GPC6: variants seen among roughly 807,000 people sequenced by gnomAD.
The protein encoded by GPC6 is glypican-6.
Under a neutral mutation model 55.2 loss-of-function variants are expected in GPC6, and 14 were observed. The ratio of observed to expected loss-of-function variants is 0.25; its 90% CI spans 0.17 to 0.40. The LOEUF (loss-of-function observed/expected upper bound fraction) is 0.40, where lower values mean the gene tolerates loss of function less well. GPC6 is among the 10% of genes least tolerant of loss of function. GPC6 has a pLI of 1.00. For missense variants in GPC6, 641 were observed against 708.5 expected (o/e 0.90, Z 1.08); for synonymous variants, 278 against 259.6 (o/e 1.07, Z -0.68).
At position 94,078,404 on chromosome 13, in the gene GPC6, G is replaced by A. The variant is rs533224698; in HGVS notation, c.877+50510G>A. Reference sequence around the variant, plus strand: ...TTAGCAGAAGGAAGGACACAATAAAGATTAGCGTAGAAATAAACAAAATAG... The same window carrying A: ...TTAGCAGAAGGAAGGACACAATAAAAATTAGCGTAGAAATAAACAAAATAG... On this transcript the variant is annotated intron_variant, in intron 4 of 8. Transcript: ENST00000377047. Among the ~76,000 whole-genome samples the A allele has an allele frequency of 1.7e-4, 26 of 151,872 alleles. No homozygotes were observed. In the South Asian group the frequency reaches 2.1e-3, roughly 12 times the overall value.
At chr13:94,272,522 G>A (rs1411677119) in intron 4 of GPC6, among the ~76,000 whole-genome samples, 1 of 136,262 alleles carries the variant, frequency 7.3e-6, no homozygotes, top group Non-Finnish European at 1.5e-5. Flanking sequence ...AGGCTGGAGT[G>A]CAGTGGTGCC....
chr13:94,029,593 T>G (rs1406582094), intron 4 of GPC6, among the ~76,000 whole-genome samples: 2 of 152,126 alleles, frequency 1.3e-5, no homozygotes, highest in Non-Finnish European at 2.9e-5. Context: ...TCATTTGGAG[T>G]CATATAGTCA....
chr13:93,573,619 A>C (rs1876515460), intron 2 of GPC6, among the ~76,000 whole-genome samples: 1 of 152,122 alleles, frequency 6.6e-6, no homozygotes, highest in South Asian at 2.1e-4. Flanking sequence ...ATAAAATGAG[A>C]AAAAAGGGTT....
intron 1 of GPC6, among the ~76,000 whole-genome samples, chr13:93,465,199 T>G (rs1272394099): frequency 6.6e-6 from 1 of 152,222 alleles, no homozygotes; most frequent in Non-Finnish European, 1.5e-5. Context: ...AAATGGCGAA[T>G]GAGCATTGGC....
chr13:94,141,551 C>A (rs1026598906), intron 4 of GPC6, among the ~76,000 whole-genome samples: 4 of 152,136 alleles, frequency 2.6e-5, no homozygotes, highest in African/African-American at 9.7e-5. Flanking sequence ...TCCCACCTCC[C>A]TTTCCATCAC....
chr13:93,803,832 A>G (rs371333543), intron 2 of GPC6, among the ~76,000 whole-genome samples: 2 of 152,282 alleles, frequency 1.3e-5, no homozygotes, highest in East Asian at 3.9e-4. Flanking sequence ...GCTATGCATC[A>G]ATGACCACAC....
chr13:94,162,948 G>C (rs1368348260), intron 4 of GPC6, among the ~76,000 whole-genome samples: 1 of 152,132 alleles, frequency 6.6e-6, no homozygotes, highest in Non-Finnish European at 1.5e-5. Flanking sequence ...AGTCGTCCAA[G>C]AAATAGCCTC....
intron 3 of GPC6, chr13:93,830,837 G>T (rs1469627346): frequency 2.9e-6 from 1 of 343,362 alleles, no homozygotes; most frequent in Non-Finnish European, 5.3e-6. Context: ...AAGCAGGCAC[G>T]TTGCAACTAT....
At chr13:93,676,714 T>C in intron 2 of GPC6, among the ~76,000 whole-genome samples, 1 of 152,184 alleles carries the variant, frequency 6.6e-6, no homozygotes, top group East Asian at 1.9e-4. Flanking sequence ...GTGTGTTCTG[T>C]ATGTTTTGCC....
chr13:93,952,439 T>C (rs1379246823), intron 3 of GPC6, among the ~76,000 whole-genome samples: 1 of 152,080 alleles, frequency 6.6e-6, no homozygotes. Context: ...ACTTCTTGAG[T>C]TTTAATTTCC....
At chr13:93,691,876 T>G (rs1043630471) in intron 2 of GPC6, among the ~76,000 whole-genome samples, 3 of 152,068 alleles carry the variant, frequency 2.0e-5, no homozygotes, top group Admixed American at 6.6e-5. Flanking sequence ...AATCATCATT[T>G]AGCAAGTTTC....
intron 4 of GPC6, among the ~76,000 whole-genome samples, chr13:94,262,926 G>C (rs1269259853): frequency 6.6e-6 from 1 of 152,166 alleles, no homozygotes; most frequent in African/African-American, 2.4e-5. Context: ...ACAAAACATT[G>C]TGTAATATAC....
intron 4 of GPC6, among the ~76,000 whole-genome samples, chr13:94,180,975 T>C (rs560499190): frequency 3.9e-5 from 6 of 152,146 alleles, no homozygotes; most frequent in South Asian, 4.2e-4. Flanking sequence ...GAAGCAGCAA[T>C]TGGGCTTGCT....
At chr13:93,520,616 A>G (rs1881376948) in intron 1 of GPC6, among the ~76,000 whole-genome samples, 1 of 151,890 alleles carries the variant, frequency 6.6e-6, no homozygotes. Flanking sequence ...AATATAATTA[A>G]CATGTAAAGA....
chr13:93,493,514 C>A (rs530424079), intron 1 of GPC6, among the ~76,000 whole-genome samples: 18 of 118,092 alleles, frequency 1.5e-4, no homozygotes, highest in Admixed American at 9.5e-4. Flanking sequence ...TTTTGTGTCT[C>A]TATTTCCTTC....
chr13:93,576,982 T>C (rs1183047557), intron 2 of GPC6, among the ~76,000 whole-genome samples: 1 of 152,140 alleles, frequency 6.6e-6, no homozygotes, highest in Non-Finnish European at 1.5e-5. Context: ...ATACATTTTT[T>C]CACTCAATGC....
chr13:93,936,270 C>T (rs1322260488), intron 3 of GPC6, among the ~76,000 whole-genome samples: 1 of 152,054 alleles, frequency 6.6e-6, no homozygotes, highest in African/African-American at 2.4e-5. Context: ...TCTGTGTTTA[C>T]CCTAAGTCAT....
At chr13:93,523,625 C>A (rs1881534911) in intron 1 of GPC6, among the ~76,000 whole-genome samples, 1 of 151,828 alleles carries the variant, frequency 6.6e-6, no homozygotes, top group African/African-American at 2.4e-5. Flanking sequence ...TTTTGTTATG[C>A]CTGATTTTAC....
At chr13:94,272,438 TTTTTC>T (rs201159076) in intron 4 of GPC6, among the ~76,000 whole-genome samples, 3,463 of 136,044 alleles carry the variant, frequency 0.025, 114 homozygotes, top group African/African-American at 0.052. Context: ...GTCCTGCTTC[TTTTTC>T]TTTTCTTTTC....
Sources: gnomAD v4.1 joint callset for allele counts (sites outside exome capture counted in the v4.1 genomes callset) on GRCh38, gnomAD v4.1.1 for gene constraint, MANE v1.5 for transcripts, NCBI Gene and HGNC (gene_info 2026-07-23, HGNC 2026-07-21) for gene names.